MACROD2: variants seen among roughly 807,000 people sequenced by gnomAD.
The protein encoded by MACROD2 is mono-ADP ribosylhydrolase 2.
Under a neutral mutation model 70.4 loss-of-function variants are expected in MACROD2, and 36 were observed. That is an observed-to-expected ratio of 0.51 (90% CI 0.39 to 0.68). The LOEUF (loss-of-function observed/expected upper bound fraction) is 0.68. MACROD2 is among the 30% of genes least tolerant of loss of function. MACROD2 has a pLI of 0.00. For missense variants in MACROD2, 496 were observed against 538.4 expected, an observed-to-expected ratio of 0.92 and a Z score of 0.78; for synonymous variants, 172 against 178.8, an observed-to-expected ratio of 0.96 and a Z score of 0.30.
At chr20:14,120,261 A>G (rs1368345433) in intron 3 of MACROD2, among the ~76,000 whole-genome samples, 1 of 151,884 alleles carries the variant, frequency 6.6e-6, no homozygotes, top group Non-Finnish European at 1.5e-5. Context: ...TGGCCAAAAA[A>G]CACATGATAA....
chr20:15,369,424 T>C (rs2045459388), intron 6 of MACROD2, among the ~76,000 whole-genome samples: 1 of 152,192 alleles, frequency 6.6e-6, no homozygotes, highest in African/African-American at 2.4e-5. Flanking sequence ...ACATCTATAG[T>C]CAACATGCTC....
chr20:15,690,098 A>G (rs1206672486), intron 8 of MACROD2, among the ~76,000 whole-genome samples: 1 of 152,206 alleles, frequency 6.6e-6, no homozygotes, highest in East Asian at 1.9e-4. Flanking sequence ...ACATTTATGA[A>G]ACATCTGTGT....
At chr20:15,500,510 A>G (rs1364951735) in intron 8 of MACROD2, among the ~76,000 whole-genome samples, 1 of 152,184 alleles carries the variant, frequency 6.6e-6, no homozygotes, top group African/African-American at 2.4e-5. Context: ...GAGATTTGTC[A>G]GTTTACATAT....
intron 3 of MACROD2, among the ~76,000 whole-genome samples, chr20:14,309,959 G>C (rs962989928): frequency 6.6e-6 from 1 of 152,046 alleles, no homozygotes; most frequent in Non-Finnish European, 1.5e-5. Context: ...CTAGCATATA[G>C]ATTCCAGACT....
chr20:14,736,294 A>C (rs146282831), intron 5 of MACROD2, among the ~76,000 whole-genome samples: 1 of 152,300 alleles, frequency 6.6e-6, no homozygotes, highest in African/African-American at 2.4e-5. Flanking sequence ...CCATAGAGAC[A>C]TAAAGCAAAT....
chr20:14,249,738 A>C (rs1204728055), intron 3 of MACROD2, among the ~76,000 whole-genome samples: 1 of 152,162 alleles, frequency 6.6e-6, no homozygotes, highest in African/African-American at 2.4e-5. Context: ...AAAAAACTTC[A>C]GAGTGATTTT....
At chr20:14,802,080 A>C (rs1028011853) in intron 5 of MACROD2, among the ~76,000 whole-genome samples, 17 of 152,018 alleles carry the variant, frequency 1.1e-4, no homozygotes, top group African/African-American at 4.1e-4. Flanking sequence ...TGTGGCTGGC[A>C]AGGGCATCTC....
chr20:15,097,008 C>T (rs1307975796), intron 5 of MACROD2, among the ~76,000 whole-genome samples: 1 of 151,864 alleles, frequency 6.6e-6, no homozygotes, highest in Non-Finnish European at 1.5e-5. Flanking sequence ...GACAGGGTTT[C>T]ACCACATTGG....
chr20:15,074,722 G>A (rs192084748), intron 5 of MACROD2, among the ~76,000 whole-genome samples: 165 of 152,270 alleles, frequency 1.1e-3, no homozygotes, highest in African/African-American at 3.6e-3. Context: ...GAATGAAAAT[G>A]CAATGTATTG....
At chr20:14,685,049 G>A in intron 5 of MACROD2, 90 bp downstream of exon 5, 1 of 1,001,158 alleles carries the variant, frequency 1.0e-6, no homozygotes, top group Non-Finnish European at 1.5e-6. Context: ...AATGGCAGTG[G>A]TGGTATTTAA....
In MACROD2 at chr20:15,930,410, T is replaced by A. The variant is rs1351369222; in HGVS notation, c.776-2866T>A. 3.9e-5 allele frequency among the ~76,000 whole-genome samples: 6 copies of A among 152,158 alleles called. 1 individual carries two copies. Among genetic ancestry groups the A allele is most frequent in the African/African-American group, 1.4e-4 (6 of 41,440 alleles). On this transcript the variant is annotated intron_variant, in intron 10 of 17. Transcript: ENST00000684519. ...CAGCCAAAATGTCCTTCTAAAAGAA[T>A]GAAATGAATACTAATCTAATTGCCC...
intron 3 of MACROD2, among the ~76,000 whole-genome samples, chr20:14,332,970 G>A (rs185442735): frequency 1.3e-5 from 2 of 152,170 alleles, no homozygotes; most frequent in Admixed American, 1.3e-4. Flanking sequence ...GAGTACATCA[G>A]GTTAGTTGAT....
chr20:15,536,640 C>G (rs115277951), intron 8 of MACROD2, among the ~76,000 whole-genome samples: 6 of 152,144 alleles, frequency 3.9e-5, no homozygotes, highest in African/African-American at 7.2e-5. Flanking sequence ...AGTCGCCAAG[C>G]ACTGGGTTAT....
chr20:16,035,080 T>A (rs1211205837), intron 15 of MACROD2, among the ~76,000 whole-genome samples: 3 of 24,886 alleles, frequency 1.2e-4, no homozygotes, highest in Non-Finnish European at 2.1e-4. Context: ...TAAAATATAA[T>A]ATGTAATATA....
intron 3 of MACROD2, among the ~76,000 whole-genome samples, chr20:14,376,558 G>A (rs1028348962): frequency 3.3e-5 from 5 of 151,956 alleles, no homozygotes; most frequent in Admixed American, 2.0e-4. Context: ...ACCAACCTGG[G>A]CAATATAGTG....
intron 3 of MACROD2, among the ~76,000 whole-genome samples, chr20:14,345,978 C>T (rs1325378677): frequency 6.6e-6 from 1 of 150,926 alleles, no homozygotes; most frequent in Non-Finnish European, 1.5e-5. Context: ...CCTGTAGTCC[C>T]AGCTACTTGG....
At chr20:15,008,516 A>G (rs1196891763) in intron 5 of MACROD2, among the ~76,000 whole-genome samples, 8 of 152,208 alleles carry the variant, frequency 5.3e-5, no homozygotes, top group Admixed American at 5.2e-4. Context: ...AGGAAAGCAA[A>G]GATGACCTGA....
chr20:15,570,309 T>G (rs1676097315), intron 8 of MACROD2, among the ~76,000 whole-genome samples: 1 of 152,192 alleles, frequency 6.6e-6, no homozygotes, highest in Non-Finnish European at 1.5e-5. Context: ...TGTTGAGCAT[T>G]TCTTCATGTA....
At chr20:15,565,405 AG>A (rs2048297178) in intron 8 of MACROD2, among the ~76,000 whole-genome samples, 2 of 152,226 alleles carry the variant, frequency 1.3e-5, no homozygotes, top group African/African-American at 2.4e-5. Flanking sequence ...ATTACTTCAC[AG>A]AATTTTCTTA....
Sources: gnomAD v4.1 joint callset for allele counts (sites outside exome capture counted in the v4.1 genomes callset) on GRCh38, gnomAD v4.1.1 for gene constraint, MANE v1.5 for transcripts, NCBI Gene and HGNC (gene_info 2026-07-23, HGNC 2026-07-21) for gene names.